Variants in FBLN1 observed in about 807,000 individuals in gnomAD.
The protein encoded by FBLN1 is fibulin-1.
Under a neutral mutation model 89.7 loss-of-function variants are expected in FBLN1, and 34 were observed. The ratio of observed to expected loss-of-function variants is 0.38; its 90% CI spans 0.29 to 0.50. The LOEUF is 0.50. FBLN1 is among the 20% of genes least tolerant of loss of function. The pLI is 0.92. For missense variants in FBLN1, 777 were observed against 988.1 expected (o/e 0.79, Z 2.86); for synonymous variants, 393 against 391.3 (o/e 1.00, Z -0.05).
chr22:45,528,794 C>T (rs911280750), intron 4 of FBLN1, among the ~76,000 whole-genome samples: 7 of 152,180 alleles, frequency 4.6e-5, no homozygotes, highest in African/African-American at 1.2e-4. Flanking sequence ...TAACTCAGCA[C>T]GGACTAACTC....
Position 45,540,358 on chromosome 22 carries a change from A to G in FBLN1, c.923-871A>G, listed in dbSNP as rs74817753. 2.5e-3 allele frequency among the ~76,000 whole-genome samples: 386 copies of G among 152,274 alleles called. 2 individuals carry two copies. The highest frequency in any genetic ancestry group is 0.014 in the Middle Eastern group (4 of 294). On this transcript the variant is annotated intron_variant, in intron 8 of 16. Coordinates refer to ENST00000327858, the MANE Select transcript of FBLN1 (RefSeq NM_006486.3). ...GGTCATGGATGTAAAAGCTTTTGTA[A>G]ACTGTAAATTGCTGCACGGTCAGCG...
intron 1 of FBLN1, among the ~76,000 whole-genome samples, chr22:45,512,806 G>A (rs1487542649): frequency 6.6e-6 from 1 of 152,092 alleles, no homozygotes; most frequent in Non-Finnish European, 1.5e-5. Flanking sequence ...CCCCCAGGCT[G>A]GAGTGTAGTG....
At position 45,572,428 on chromosome 22, in the gene FBLN1, A is replaced by AT. The variant is rs945044789; in HGVS notation, c.1698-2074dup. Among the ~76,000 whole-genome samples, 34 of 151,868 alleles carry AT rather than the reference A, an allele frequency of 2.2e-4. 1 individual carries two copies. The highest frequency in any genetic ancestry group is 8.5e-4 in the Admixed American group (13 of 15,270). ...TGGCTTCCATCATGGGTTCATACTGATTTTTTTTTCCCCAAAAATCCTTTG... is the reference window on the plus strand; with the variant it reads ...TGGCTTCCATCATGGGTTCATACTGATTTTTTTTTTCCCCAAAAATCCTTTG... On this transcript the variant is annotated intron_variant, in intron 14 of 16. Transcript: ENST00000327858. This position sits in a 1 kb window ranked among gnomAD's most constrained non-coding sequence, Gnocchi z 5.8.
chr22:45,580,234 CG>C lies in FBLN1; in HGVS notation c.1972+3128del. Among the ~76,000 whole-genome samples the C allele has an allele frequency of 6.6e-6, 1 of 152,124 alleles. No individual in the cohort carries two copies. Among genetic ancestry groups the C allele is most frequent in the East Asian group, 1.9e-4 (1 of 5,148 alleles). ...TTCATGGTGGTGGAGAGGAAGAAAG[CG>C]GCTTCCAGGGCTGCTGCTCCTGGTG... On this transcript the variant is annotated intron_variant, in intron 16 of 16. Coordinates refer to ENST00000327858, the MANE Select transcript of FBLN1 (RefSeq NM_006486.3). The surrounding 1 kb of genome is among the most constrained non-coding windows in gnomAD (Gnocchi z 8.6).
Position 45,588,463 on chromosome 22 carries a change from A to C in FBLN1, c.1972+11355A>C, listed in dbSNP as rs1028048783. Among the ~76,000 whole-genome samples, 12 of 152,208 alleles carry C rather than the reference A, an allele frequency of 7.9e-5. No individual in the cohort carries two copies. The highest frequency in any genetic ancestry group is 1.5e-4 in the Non-Finnish European group (10 of 68,034). On this transcript the variant is annotated intron_variant, in intron 16 of 16. Transcript: ENST00000327858. The surrounding 1 kb of genome is among the most constrained non-coding windows in gnomAD (Gnocchi z 5.1). ...TAGACAGAAGAGCCTCCAGGGGTTTATTCGTGCAAGGCTACCCTCTGTCAC... is the reference window on the plus strand; with the variant it reads ...TAGACAGAAGAGCCTCCAGGGGTTTCTTCGTGCAAGGCTACCCTCTGTCAC...
chr22:45,516,509 AT>A, intron 1 of FBLN1, among the ~76,000 whole-genome samples: 1 of 152,354 alleles, frequency 6.6e-6, no homozygotes, highest in East Asian at 1.9e-4. Flanking sequence ...ATTCAAGGTT[AT>A]CCCCATGATA....
intron 1 of FBLN1, 76 bp downstream of exon 1, chr22:45,503,140 A>G: frequency 9.0e-7 from 1 of 1,111,160 alleles, no homozygotes; most frequent in Non-Finnish European, 1.1e-6. Context: ...CGAGTTTCGG[A>G]ACCACGGGGA....
At chr22:45,589,499 A>G (rs943937466) in intron 16 of FBLN1, among the ~76,000 whole-genome samples, 8 of 152,200 alleles carry the variant, frequency 5.3e-5, no homozygotes, top group African/African-American at 1.9e-4. Context: ...GATGGCCTGG[A>G]AAAGGGACAT....
intron 16 of FBLN1, among the ~76,000 whole-genome samples, chr22:45,595,613 C>G (rs1302441540): frequency 3.8e-4 from 2 of 5,214 alleles, no homozygotes; most frequent in African/African-American, 1.1e-3. Context: ...GTGAAGTACT[C>G]TGGTGCAATG....
At chr22:45,589,601 G>A (rs565675422) in intron 16 of FBLN1, among the ~76,000 whole-genome samples, 2 of 152,280 alleles carry the variant, frequency 1.3e-5, no homozygotes, top group East Asian at 3.9e-4. Context: ...CTCATTCATG[G>A]CGCCTCTCAG....
chr22:45,541,872 G>A (rs1038629396), intron 9 of FBLN1, among the ~76,000 whole-genome samples: 28 of 152,188 alleles, frequency 1.8e-4, no homozygotes, highest in Admixed American at 7.9e-4. Flanking sequence ...AGCCTTCCTC[G>A]CATAACCCCC....
intron 16 of FBLN1, among the ~76,000 whole-genome samples, chr22:45,591,335 G>C (rs2089134603): frequency 1.3e-5 from 2 of 149,480 alleles, no homozygotes; most frequent in African/African-American, 2.6e-5. Flanking sequence ...AGAAATGTTA[G>C]TTCCCACGCC....
At position 45,578,915 on chromosome 22, in the gene FBLN1, C is replaced by T. The variant is rs973456813; in HGVS notation, c.1972+1807C>T. ...ACAGAGATGGATAAATGCCACATAGCCCCTGAGGACTTTGCATCTCAGCAG... is the reference window on the plus strand; with the variant it reads ...ACAGAGATGGATAAATGCCACATAGTCCCTGAGGACTTTGCATCTCAGCAG... On this transcript the variant is annotated intron_variant, in intron 16 of 16. Coordinates refer to ENST00000327858, the MANE Select transcript of FBLN1 (RefSeq NM_006486.3). The surrounding 1 kb of genome is among the most constrained non-coding windows in gnomAD (Gnocchi z 4.6). 2.0e-5 allele frequency among the ~76,000 whole-genome samples: 3 copies of T among 152,238 alleles called. No homozygotes were observed. The highest frequency in any genetic ancestry group is 2.9e-5 in the Non-Finnish European group (2 of 68,042).
intron 16 of FBLN1, among the ~76,000 whole-genome samples, chr22:45,598,088 A>G (rs1189908720): frequency 1.3e-5 from 2 of 152,166 alleles, no homozygotes; most frequent in Non-Finnish European, 2.9e-5. Flanking sequence ...TGTTCACAGA[A>G]TCCAGCCTGG....
rs916336229 is a variant in FBLN1 at position 45,547,119 on chromosome 22, G to A, written c.1356G>A (p.Gln452=). The A allele has an allele frequency of 2.5e-6, 4 of 1,614,060 alleles. No homozygotes were observed. The highest frequency in any genetic ancestry group is 3.4e-6 in the Non-Finnish European group (4 of 1,180,056). Residue 452 remains glutamine (Q), a synonymous_variant, in exon 12 of 17, where the codon CAG becomes CAA. Coordinates refer to ENST00000327858, the MANE Select transcript of FBLN1 (RefSeq NM_006486.3). ...AGTGCAGCAGCAGCCCCTGTAGCCA[G>A]GAGTGTGCCAACGTCTACGGCTCCT... The part of the protein sequence containing the change: ...INECSSSPCS[Q]ECANVYGSYQ...
At chr22:45,504,609 G>A (rs930045548) in intron 1 of FBLN1, among the ~76,000 whole-genome samples, 6 of 152,154 alleles carry the variant, frequency 3.9e-5, no homozygotes, top group African/African-American at 1.4e-4. Context: ...CGATGAGGAA[G>A]CTGAGGGCCT....
In FBLN1 at chr22:45,597,416, A is replaced by C. The variant is rs1315258545; in HGVS notation, c.1973-2891A>C. ...TTCAAGCCCCAAACCTCTGAATGCCAGGAAGGGTGGTAAGAAGTGTCTCTG... is the reference window on the plus strand; with the variant it reads ...TTCAAGCCCCAAACCTCTGAATGCCCGGAAGGGTGGTAAGAAGTGTCTCTG... On this transcript the variant is annotated intron_variant, in intron 16 of 16. Transcript: ENST00000327858. The surrounding 1 kb of genome is among the most constrained non-coding windows in gnomAD (Gnocchi z 4.2). 6.6e-6 allele frequency among the ~76,000 whole-genome samples: 1 copy of C among 152,210 alleles called. No homozygotes were observed. Among genetic ancestry groups the C allele is most frequent in the African/African-American group, 2.4e-5 (1 of 41,438 alleles).
intron 16 of FBLN1, among the ~76,000 whole-genome samples, chr22:45,596,167 C>T (rs1205101291): frequency 1.3e-5 from 2 of 152,212 alleles, no homozygotes; most frequent in Non-Finnish European, 2.9e-5. Context: ...CTACGCCCGG[C>T]CAAAGGTTGC....
rs16994228 is a variant in FBLN1, at chr22:45,549,071, C to A, written c.1573+327C>A. On this transcript the variant is annotated intron_variant, in intron 13 of 16. Transcript: ENST00000327858. The surrounding 1 kb of genome is among the most constrained non-coding windows in gnomAD (Gnocchi z 5.7). ...GAACAGAGGCCTTTAGGAAGATGCC[C>A]GCCAGGGAGGAAGCAGTCCAGGCCA... is the stretch of plus-strand genomic sequence containing the variant. 0.3 allele frequency among the ~76,000 whole-genome samples: 45,606 copies of A among 152,118 alleles called. 8,980 individuals are homozygous for A. The highest frequency in any genetic ancestry group is 0.55 in the African/African-American group (22,876 of 41,486).
Sources: gnomAD v4.1 joint callset for allele counts (sites outside exome capture counted in the v4.1 genomes callset) on GRCh38, gnomAD v4.1.1 for gene constraint, Gnocchi (gnomAD v3.1) non-coding constraint, MANE v1.5 for transcripts, NCBI Gene and HGNC (gene_info 2026-07-23, HGNC 2026-07-21) for gene names.